Variants in SH2D7 observed in about 807,000 individuals in gnomAD.
The protein encoded by SH2D7 is SH2 domain containing 7.
SH2D7 carries 32 observed loss-of-function variants against 40.8 expected under a neutral mutation model. The observed-to-expected ratio is 0.78, with a 90% CI of 0.59 to 1.05. The LOEUF (loss-of-function observed/expected upper bound fraction) is 1.05, where lower values mean the gene tolerates loss of function less well. SH2D7 is among the 50% of genes least tolerant of loss of function. The pLI, the probability that SH2D7 is intolerant of heterozygous loss-of-function variation, is 0.00. For missense variants in SH2D7, 559 were observed against 566.6 expected (o/e 0.99, Z 0.14); for synonymous variants, 195 against 221.5 (o/e 0.88, Z 1.06).
chr15:78,101,930 A>C (rs2074020328), intron 5 of SH2D7, among the ~76,000 whole-genome samples: 1 of 152,188 alleles, frequency 6.6e-6, no homozygotes. Context: ...CAGGACAACC[A>C]GTTAAACCTG....
chr15:78,103,712 C>A lies in SH2D7; in HGVS notation c.*197C>A, dbSNP rs1049440315. 2 of 606,134 alleles carry A rather than the reference C, an allele frequency of 3.3e-6. No homozygotes were observed. Among genetic ancestry groups the A allele is most frequent in the Non-Finnish European group, 5.7e-6 (2 of 349,788 alleles). The allele number at this position is 606,134 out of a possible 1,614,324, so 37.5% of individuals were successfully genotyped here. A position where few individuals can be genotyped will look rare whatever the true frequency, so the allele number is the denominator to read the frequency against. On this transcript the variant is annotated 3_prime_UTR_variant, in exon 6 of 6. Transcript: ENST00000328828. Reference sequence around the variant, plus strand: ...AAGAGGACCTTGCAGGTGCCTGCAGCTCCTGGCTATGTCCTGCTTTCCTTG... The same window carrying A: ...AAGAGGACCTTGCAGGTGCCTGCAGATCCTGGCTATGTCCTGCTTTCCTTG...
intron 1 of SH2D7, 44 bp downstream of exon 1, chr15:78,092,804 C>A (rs767113974): frequency 3.9e-6 from 6 of 1,550,550 alleles, no homozygotes; most frequent in East Asian, 2.3e-5. Flanking sequence ...CCCACAGCCC[C>A]TTGGGGCTGA....
At chr15:78,098,656 T>TG in intron 4 of SH2D7, 60 bp downstream of exon 4, 1 of 1,543,844 alleles carries the variant, frequency 6.5e-7, no homozygotes, top group Non-Finnish European at 8.8e-7. Flanking sequence ...GTGGGTGCCA[T>TG]GCTCCCAGTC....
At position 78,097,939 on chromosome 15, in the gene SH2D7, C is replaced by G; in HGVS notation, c.277C>G (p.Arg93Gly). 6 of 1,613,656 alleles carry G rather than the reference C, an allele frequency of 3.7e-6. No individual in the cohort carries two copies. The highest frequency in any genetic ancestry group is 5.1e-6 in the Non-Finnish European group (6 of 1,179,696). ...GCACTTGTGTTGCAGGGGCAGTGAT[C>G]GCTGCCGACATTTTGTCATCAACCA... The part of the protein sequence containing the change: ...GYILSYRGSD[R>G]CRHFVINQLR... Residue 93 changes from arginine to glycine, a missense_variant, in exon 3 of 6, where the codon CGC (arginine) becomes GGC (glycine). Physicochemically the swap from Arg to Gly is moderately radical, Grantham distance 125. Coordinates refer to ENST00000328828, the MANE Select transcript of SH2D7 (RefSeq NM_001101404.2).
intron 1 of SH2D7, among the ~76,000 whole-genome samples, chr15:78,093,810 G>T (rs1038830674): frequency 6.6e-6 from 1 of 152,224 alleles, no homozygotes; most frequent in Admixed American, 6.5e-5. Context: ...GGGTGGCCAG[G>T]GTCAGCAACC....
Position 78,101,358 on chromosome 15 carries a change from C to A in SH2D7, c.1105C>A (p.Gln369Lys), listed in dbSNP as rs959787349. ...GCAAGAGGCCAGGGACACACCAGAC[C>A]AAGAAGGCAGCACCTATGAGCAGAT... Reference protein sequence around the residue: ...LLQEARDTPDQEGSTYEQIPA... With the variant: ...LLQEARDTPDKEGSTYEQIPA... The change falls in exon 5 of 6, where the codon CAA becomes AAA. Residue 369 changes from glutamine (Q) to lysine (K), a missense_variant. Transcript: ENST00000328828. 1.5e-5 allele frequency: 25 copies of A among 1,613,364 alleles called. No individual in the cohort carries two copies. In the African/African-American group the frequency reaches 2.9e-4, roughly 19 times the overall value.
chr15:78,100,002 A>G (rs1208729942), intron 4 of SH2D7, among the ~76,000 whole-genome samples: 1 of 152,174 alleles, frequency 6.6e-6, no homozygotes, highest in Non-Finnish European at 1.5e-5. Context: ...CGTTCTCTCT[A>G]TCCCATGACC....
intron 5 of SH2D7, 72 bp downstream of exon 5, chr15:78,101,630 C>T (rs1399980304): frequency 1.4e-6 from 2 of 1,469,872 alleles, no homozygotes; most frequent in Non-Finnish European, 1.8e-6. Context: ...CAACCTGAAG[C>T]CCCCAGGCAT....
chr15:78,101,135 C>G lies in SH2D7; in HGVS notation c.882C>G (p.Gly294=). 6.4e-7 allele frequency: 1 copy of G among 1,559,086 alleles called. No individual in the cohort carries two copies. Residue 294 remains glycine (G), a synonymous_variant, in exon 5 of 6, where the codon GGC becomes GGG. Transcript: ENST00000328828. The stretch of plus-strand genomic sequence containing the variant: ...ATGGAGAACAGAACAGGCCTGATGG[C>G]CTGGGGCCTGTCCTTTCTGGGGTGA... The part of the protein sequence containing the change: ...LSDGEQNRPD[G]LGPVLSGVSP...
At chr15:78,095,436 G>A (rs551637035) in intron 2 of SH2D7, among the ~76,000 whole-genome samples, 3 of 152,176 alleles carry the variant, frequency 2.0e-5, no homozygotes, top group East Asian at 1.9e-4. Flanking sequence ...AAGTGGGACC[G>A]CCCAAAGGTA....
In SH2D7 at chr15:78,092,622, A is replaced by C. The variant is rs1445381337; in HGVS notation, c.38A>C (p.Asp13Ala). ...CTAAAGCAGCTCAGCCTGGGGAGAG[A>C]TCCTGAGGGGGCAGGGGACAGCCAG... ...DSLKQLSLGR[D>A]PEGAGDSQAL... The change falls in exon 1 of 6, where the codon GAT (aspartate) becomes GCT (alanine). Residue 13 changes from aspartate (D) to alanine (A), a missense_variant. Physicochemically the swap from Asp to Ala is moderately radical, Grantham distance 126 (BLOSUM62 -2). Transcript: ENST00000328828. 4.2e-5 allele frequency: 65 copies of C among 1,554,692 alleles called. 1 individual carries two copies. In the Admixed American group the frequency reaches 1.1e-3, roughly 27 times the overall value.
In SH2D7 at chr15:78,098,543, C is replaced by G; in HGVS notation, c.592C>G (p.Gln198Glu). 1.2e-6 allele frequency: 2 copies of G among 1,614,046 alleles called. No homozygotes were observed. Reference sequence around the variant, plus strand: ...GCCCCAGGTCTCCTTCCTCCATGCACAGAAAAGCCTGGATGTGAGTCCCCG... The same window carrying G: ...GCCCCAGGTCTCCTTCCTCCATGCAGAGAAAAGCCTGGATGTGAGTCCCCG... ...PKPQVSFLHA[Q>E]KSLDVSPRNL... The change falls in exon 4 of 6, where the codon CAG becomes GAG. Residue 198 changes from glutamine to glutamate, a missense_variant. Coordinates refer to ENST00000328828, the MANE Select transcript of SH2D7 (RefSeq NM_001101404.2).
intron 2 of SH2D7, among the ~76,000 whole-genome samples, chr15:78,095,996 C>T (rs1284074004): frequency 1.3e-5 from 2 of 152,234 alleles, no homozygotes; most frequent in East Asian, 3.9e-4. Flanking sequence ...GCACACGCCA[C>T]CACACCCAGC....
Position 78,092,568 on chromosome 15 carries a change from C to T in SH2D7, c.-17C>T. The T allele has an allele frequency of 1.3e-6, 2 of 1,542,916 alleles. No homozygotes were observed. The highest frequency in any genetic ancestry group is 1.7e-4 in the Middle Eastern group (1 of 5,910). On this transcript the variant is annotated 5_prime_UTR_variant, in exon 1 of 6. Coordinates refer to ENST00000328828, the MANE Select transcript of SH2D7 (RefSeq NM_001101404.2). ...GTGCACTGGCTGCGCTCTGCTTCCA[C>T]TCTGGTGCCTGCCAGCATGGAGGAC...
At chr15:78,095,118 G>C (rs191767385) in intron 2 of SH2D7, among the ~76,000 whole-genome samples, 1 of 152,152 alleles carries the variant, frequency 6.6e-6, no homozygotes, top group South Asian at 2.1e-4. Context: ...CTGTTCCCCC[G>C]TTTCCTCATC....
chr15:78,092,831 C>A, intron 1 of SH2D7, 71 bp downstream of exon 1: 1 of 1,485,572 alleles, frequency 6.7e-7, no homozygotes. Flanking sequence ...GGTCTGGGAA[C>A]TCTGGATCAG....
intron 5 of SH2D7, 26 bp from the exon 6 acceptor site, chr15:78,103,439 C>T (rs1453890687): frequency 7.7e-6 from 12 of 1,553,080 alleles, no homozygotes; most frequent in African/African-American, 1.4e-5. Flanking sequence ...CGACCCCAGG[C>T]CCCAGTATCT....
intron 5 of SH2D7, among the ~76,000 whole-genome samples, chr15:78,102,125 T>C (rs2074022073): frequency 6.6e-6 from 1 of 152,028 alleles, no homozygotes. Context: ...TGGTGGCCTG[T>C]AGTCTCAGCT....
intron 4 of SH2D7, among the ~76,000 whole-genome samples, chr15:78,099,480 ATTTTTTT>A (rs34331155): frequency 7.5e-6 from 1 of 133,122 alleles, no homozygotes; most frequent in Admixed American, 7.6e-5. Context: ...TGCCTGGCTA[ATTTTTTT>A]TTTTTTTTTT....
Sources: allele counts gnomAD v4.1 joint callset (sites outside exome capture counted in the v4.1 genomes callset), GRCh38; gene constraint gnomAD v4.1.1; transcripts MANE v1.5; gene names NCBI Gene and HGNC (gene_info 2026-07-23, HGNC 2026-07-21).